PHIP: variants seen among roughly 807,000 people sequenced by gnomAD.
The protein encoded by PHIP is PHIP subunit of CUL4-Ring ligase complex.
In PHIP, 54 loss-of-function variants were observed where a neutral mutation model predicts 236.8. That is an observed-to-expected ratio of 0.23 (90% CI 0.18 to 0.29). PHIP has a LOEUF of 0.29. Ranked by LOEUF, PHIP falls within the 10% of genes least tolerant of loss-of-function variation. The pLI is 1.00. For synonymous variants in PHIP, 756 were observed against 718.9 expected (o/e 1.05, Z -0.83); for missense variants, 1,370 against 2,190.8 (o/e 0.63, Z 7.48).
chr6:78,973,288 G>T (rs550121829), intron 24 of PHIP, among the ~76,000 whole-genome samples: 1 of 151,298 alleles, frequency 6.6e-6, no homozygotes, highest in African/African-American at 2.4e-5. Context: ...AGCTTCATAA[G>T]TGAAGGAGAA....
Position 78,998,430 on chromosome 6 carries a change from T to C in PHIP, c.1880-39A>G, listed in dbSNP as rs753345702. On this transcript the variant is annotated intron_variant, in intron 17 of 39. Transcript: ENST00000275034. ...CACAAAATATTACGAATATTTTAGC[T>C]ACTATTCAAACCATTTTACTCACCA... The C allele has an allele frequency of 5.0e-6, 8 of 1,587,126 alleles. 1 individual carries two copies. In the South Asian group the frequency reaches 6.7e-5, roughly 13 times the overall value.
chr6:78,974,382 T>G (rs1477274730), intron 24 of PHIP, among the ~76,000 whole-genome samples: 1 of 151,430 alleles, frequency 6.6e-6, no homozygotes, highest in Admixed American at 6.6e-5. Context: ...AAGCAGTGTG[T>G]AGAGGGAAAT....
At position 79,016,545 on chromosome 6, in the gene PHIP, C is replaced by T. The variant is rs1770841090; in HGVS notation, c.1234G>A (p.Gly412Ser). The change falls in exon 13 of 40, where the codon GGC becomes AGC. Residue 412 changes from glycine to serine, a missense_variant and splice_region_variant. Transcript: ENST00000275034. ...ILLDMATRPAGQNLQGIEDKI... is the reference protein window; with the variant it reads ...ILLDMATRPASQNLQGIEDKI... ...AATATTTCAAATTTGACCTCTTACC[C>T]TGCTGGACGAGTAGCCATATCCAAC... The T allele has an allele frequency of 6.3e-7, 1 of 1,595,464 alleles. No homozygotes were observed. The highest frequency in any genetic ancestry group is 1.7e-5 in the Admixed American group (1 of 59,742).
Position 78,946,000 on chromosome 6 carries a change from C to G in PHIP, c.4630+1G>C. The stretch of plus-strand genomic sequence containing the variant: ...ATTTCAATTTAGAAAGTGAGTCTTA[C>G]TTGTTTTCCCTGGTATTGCAGATGC... On this transcript the variant is annotated splice_donor_variant, in intron 38 of 39. Coordinates refer to ENST00000275034, the MANE Select transcript of PHIP (RefSeq NM_017934.7). LOFTEE classifies it high-confidence loss of function. 6.3e-7 allele frequency: 1 copy of G among 1,599,232 alleles called. No individual in the cohort carries two copies. Among genetic ancestry groups the G allele is most frequent in the Non-Finnish European group, 8.6e-7 (1 of 1,167,324 alleles).
At chr6:78,966,260 TAAC>T (rs1449500699) in intron 27 of PHIP, among the ~76,000 whole-genome samples, 1 of 152,212 alleles carries the variant, frequency 6.6e-6, no homozygotes, top group Non-Finnish European at 1.5e-5. Context: ...AAGTGTGACT[TAAC>T]AGTTTTCAAT....
intron 7 of PHIP, among the ~76,000 whole-genome samples, chr6:79,035,084 T>C (rs1267750237): frequency 1.3e-5 from 2 of 152,068 alleles, no homozygotes; most frequent in Non-Finnish European, 2.9e-5. Flanking sequence ...ACCCTAGAAT[T>C]TGCACATGTG....
At chr6:78,998,534 G>T in intron 17 of PHIP, 143 bp from the exon 18 acceptor site, 4 of 517,030 alleles carry the variant, frequency 7.7e-6, no homozygotes, top group Non-Finnish European at 6.7e-6. Flanking sequence ...AATGATGGGA[G>T]TTAAAAAAAA....
At chr6:78,989,094 C>CAA (rs147155255) in intron 20 of PHIP, among the ~76,000 whole-genome samples, 4 of 151,710 alleles carry the variant, frequency 2.6e-5, no homozygotes, top group African/African-American at 9.7e-5. Context: ...CTAAAAAACA[C>CAA]AAAAAACTTA....
In PHIP at chr6:79,060,106, GAA is replaced by G. The variant is rs11295038; in HGVS notation, c.439+370_439+371del. On this transcript the variant is annotated intron_variant, in intron 6 of 39. Coordinates refer to ENST00000275034, the MANE Select transcript of PHIP (RefSeq NM_017934.7). Reference sequence around the variant, plus strand: ...CTCTTTGAAACTTTAGCCAAAAAAAGAAAAAAAAAAAAAAGTACTGTGCTCTT... The same window carrying G: ...CTCTTTGAAACTTTAGCCAAAAAAAGAAAAAAAAAAAAGTACTGTGCTCTT... Among the ~76,000 whole-genome samples the G allele has an allele frequency of 3.1e-3, 450 of 145,174 alleles. 4 individuals are homozygous for G. Among genetic ancestry groups the G allele is most frequent in the Middle Eastern group, 0.021 (6 of 280 alleles).
rs772190549 is a variant in PHIP at position 78,940,838 on chromosome 6, C to T, written c.5321G>A (p.Arg1774Lys). Residue 1774 changes from arginine to lysine, a missense_variant, in exon 40 of 40, where the codon AGG becomes AAG. By Grantham distance (26) the Arg-to-Lys change is conservative. Transcript: ENST00000275034. ...PHMRTRNQGRRTAFYNEDDSE... is the reference protein window; with the variant it reads ...PHMRTRNQGRKTAFYNEDDSE... ...GTCATCCTCATTATAGAAAGCTGTC[C>T]TTCGACCTTGATTTCTAGTTCTCAT... 1 of 1,613,954 alleles carries T rather than the reference C, an allele frequency of 6.2e-7. No homozygotes were observed. The highest frequency in any genetic ancestry group is 8.5e-7 in the Non-Finnish European group (1 of 1,179,906).
chr6:78,974,054 TC>T lies in PHIP; in HGVS notation c.2890-3167del, dbSNP rs1404619776. Among the ~76,000 whole-genome samples the T allele has an allele frequency of 2.6e-5, 4 of 152,204 alleles. No individual in the cohort carries two copies. The East Asian group carries it at 7.7e-4, about 29-fold the overall frequency. On this transcript the variant is annotated intron_variant, in intron 24 of 39. Transcript: ENST00000275034. The stretch of plus-strand genomic sequence containing the variant: ...ATAGACTTCTGCAGAACTCTCCACC[TC>T]AAATCAACAGAATATACATTTTTTT...
At chr6:79,000,216 C>G (rs1263353013) in intron 17 of PHIP, among the ~76,000 whole-genome samples, 1 of 151,946 alleles carries the variant, frequency 6.6e-6, no homozygotes, top group Non-Finnish European at 1.5e-5. Context: ...AAGATTTTTA[C>G]TCTGAATTCT....
chr6:78,957,613 T>C (rs1389283753), intron 32 of PHIP: 4 of 151,830 alleles, frequency 2.6e-5, no homozygotes, highest in African/African-American at 4.8e-5. Flanking sequence ...ATCCTGAATT[T>C]TTCATTATGT....
chr6:79,071,975 C>G (rs941712114), intron 4 of PHIP, among the ~76,000 whole-genome samples: 8 of 151,178 alleles, frequency 5.3e-5, no homozygotes, highest in Admixed American at 2.6e-4. Flanking sequence ...CAAAAACTAA[C>G]TTACAAAGAA....
chr6:78,969,031 C>A (rs2127704194), intron 27 of PHIP, among the ~76,000 whole-genome samples: 1 of 152,268 alleles, frequency 6.6e-6, no homozygotes, highest in South Asian at 2.1e-4. Context: ...CCATTCTTTT[C>A]CCTTTCTTGG....
At position 78,934,650 on chromosome 6, in the gene PHIP, G is replaced by A. The variant is rs1378001756; in HGVS notation, c.*6043C>T. Among the ~76,000 whole-genome samples the A allele has an allele frequency of 3.3e-5, 5 of 152,170 alleles. No individual in the cohort carries two copies. Among genetic ancestry groups the A allele is most frequent in the Non-Finnish European group, 5.9e-5 (4 of 68,024 alleles). On this transcript the variant is annotated 3_prime_UTR_variant, in exon 40 of 40. Coordinates refer to ENST00000275034, the MANE Select transcript of PHIP (RefSeq NM_017934.7). ...GACTAAATATAAAAGCCAAAGTTGA[G>A]CCATGAATACAGAGGACAGTATACA...
At chr6:78,960,153 C>A (rs921664204) in intron 31 of PHIP, among the ~76,000 whole-genome samples, 1 of 152,068 alleles carries the variant, frequency 6.6e-6, no homozygotes, top group Non-Finnish European at 1.5e-5. Context: ...AATTCATATC[C>A]CTTTCATATC....
chr6:79,021,276 A>G (rs1771104498), intron 9 of PHIP, among the ~76,000 whole-genome samples: 1 of 152,194 alleles, frequency 6.6e-6, no homozygotes, highest in Non-Finnish European at 1.5e-5. Flanking sequence ...CCTCCCAAGT[A>G]GCTGGGATTA....
At position 78,997,335 on chromosome 6, in the gene PHIP, A is replaced by C; in HGVS notation, c.2201+79T>G. 3.2e-6 allele frequency: 4 copies of C among 1,255,772 alleles called. No homozygotes were observed. In the South Asian group the frequency reaches 5.4e-5, roughly 17 times the overall value. 77.8% of individuals were successfully genotyped at this position (1,255,772 alleles called of 1,614,324 possible). Reference sequence around the variant, plus strand: ...AATTTCAGAGGAATTACAGAGCTGAAAATAACAGCTGTGAATGCTGTTAAC... The same window carrying C: ...AATTTCAGAGGAATTACAGAGCTGACAATAACAGCTGTGAATGCTGTTAAC... On this transcript the variant is annotated intron_variant, in intron 19 of 39. Transcript: ENST00000275034.
Sources: gnomAD v4.1 joint callset for allele counts (sites outside exome capture counted in the v4.1 genomes callset) on GRCh38, gnomAD v4.1.1 for gene constraint, MANE v1.5 for transcripts, NCBI Gene and HGNC (gene_info 2026-07-23, HGNC 2026-07-21) for gene names.